Variants in KCNIP4 observed in about 807,000 individuals in gnomAD.
The protein encoded by KCNIP4 is potassium voltage-gated channel interacting protein 4.
Under a neutral mutation model 34.0 loss-of-function variants are expected in KCNIP4, and 12 were observed. The ratio of observed to expected loss-of-function variants is 0.35; its 90% CI spans 0.23 to 0.57. The LOEUF is 0.57. Ranked by LOEUF, KCNIP4 falls within the 20% of genes least tolerant of loss-of-function variation. KCNIP4 has a pLI of 0.83. For synonymous variants in KCNIP4, 124 were observed against 102.2 expected, an observed-to-expected ratio of 1.21 and a Z score of -1.29; for missense variants, 238 against 311.7, an observed-to-expected ratio of 0.76 and a Z score of 1.78.
At chr4:21,479,962 G>A (rs1260826905) in intron 1 of KCNIP4, among the ~76,000 whole-genome samples, 4 of 151,460 alleles carry the variant, frequency 2.6e-5, no homozygotes, top group Non-Finnish European at 5.9e-5. Context: ...TTAGGAATAT[G>A]ATTGTATGTT....
intron 1 of KCNIP4, among the ~76,000 whole-genome samples, chr4:20,930,928 T>A (rs916880620): frequency 1.3e-5 from 2 of 151,582 alleles, no homozygotes; most frequent in African/African-American, 4.8e-5. Context: ...TAGATTTGTG[T>A]AGTCATTATG....
At chr4:21,893,893 G>A (rs1185137365) in intron 1 of KCNIP4, among the ~76,000 whole-genome samples, 1 of 152,120 alleles carries the variant, frequency 6.6e-6, no homozygotes, top group Non-Finnish European at 1.5e-5. Context: ...CATATTAAAT[G>A]TTTCCCTTAC....
At chr4:21,691,827 T>C (rs1245402729) in intron 1 of KCNIP4, among the ~76,000 whole-genome samples, 1 of 151,164 alleles carries the variant, frequency 6.6e-6, no homozygotes, top group Non-Finnish European at 1.5e-5. Flanking sequence ...GCCTCCTGAG[T>C]AGCTGGGACT....
chr4:21,190,773 T>C (rs1049802285), intron 1 of KCNIP4, among the ~76,000 whole-genome samples: 4 of 152,192 alleles, frequency 2.6e-5, no homozygotes, highest in African/African-American at 9.6e-5. Context: ...ATAAAATCTA[T>C]TTACATATTC....
In KCNIP4 at chr4:21,787,223, C is replaced by T. The variant is rs370752380; in HGVS notation, c.61+161348G>A. Among the ~76,000 whole-genome samples the T allele has an allele frequency of 4.6e-5, 7 of 152,262 alleles. No individual in the cohort carries two copies. In the East Asian group the frequency reaches 5.8e-4, roughly 13 times the overall value. On this transcript the variant is annotated intron_variant, in intron 1 of 8. Coordinates refer to ENST00000382152, the MANE Select transcript of KCNIP4 (RefSeq NM_025221.6). ...GTGCATATAAAACACGAATAAATTT[C>T]GTGTTTAGGCTTCGATTCCATTCCC...
chr4:21,884,546 A>G (rs768795038), intron 1 of KCNIP4, among the ~76,000 whole-genome samples: 1 of 152,134 alleles, frequency 6.6e-6, no homozygotes, highest in Non-Finnish European at 1.5e-5. Flanking sequence ...TAATTCCCCA[A>G]TGGAGCTACC....
At chr4:21,147,643 G>C (rs979087143) in intron 1 of KCNIP4, among the ~76,000 whole-genome samples, 1 of 151,940 alleles carries the variant, frequency 6.6e-6, no homozygotes, top group Non-Finnish European at 1.5e-5. Context: ...GCCATTAAAA[G>C]CATCAAGTAC....
chr4:20,755,615 A>G (rs1237911689), intron 4 of KCNIP4, among the ~76,000 whole-genome samples: 1 of 152,198 alleles, frequency 6.6e-6, no homozygotes. Flanking sequence ...AGTGAAATAT[A>G]TATTATTGGA....
At chr4:21,060,201 A>G (rs1030638413) in intron 1 of KCNIP4, among the ~76,000 whole-genome samples, 4 of 152,176 alleles carry the variant, frequency 2.6e-5, no homozygotes, top group Admixed American at 1.3e-4. Flanking sequence ...GCATTCCCAG[A>G]GGCTTTGAAT....
At chr4:21,283,747 A>G (rs1364822992) in intron 1 of KCNIP4, among the ~76,000 whole-genome samples, 4 of 151,914 alleles carry the variant, frequency 2.6e-5, no homozygotes, top group African/African-American at 4.8e-5. Flanking sequence ...ACATGTATAC[A>G]TATGTAACAA....
intron 1 of KCNIP4, chr4:21,852,754 T>A (rs1160448344): frequency 6.6e-6 from 1 of 152,174 alleles, no homozygotes; most frequent in Non-Finnish European, 1.5e-5. Flanking sequence ...ATTTACTGAT[T>A]TTCTGCATTT....
At chr4:21,820,927 C>T (rs1722319224) in intron 1 of KCNIP4, among the ~76,000 whole-genome samples, 2 of 152,092 alleles carry the variant, frequency 1.3e-5, no homozygotes, top group Non-Finnish European at 1.5e-5. Context: ...CATTATGCAA[C>T]TGATAACTGA....
intron 1 of KCNIP4, among the ~76,000 whole-genome samples, chr4:21,668,363 A>C (rs1423433928): frequency 6.6e-6 from 1 of 152,196 alleles, no homozygotes; most frequent in African/African-American, 2.4e-5. Context: ...AAGAAAAAAA[A>C]ACTGCTGTAT....
intron 1 of KCNIP4, among the ~76,000 whole-genome samples, chr4:21,283,995 C>T (rs928917264): frequency 2.0e-5 from 3 of 151,922 alleles, no homozygotes; most frequent in African/African-American, 7.3e-5. Context: ...GGGCAGATCA[C>T]GAGGTCAGGA....
intron 3 of KCNIP4, among the ~76,000 whole-genome samples, chr4:20,830,657 G>C (rs1718311466): frequency 6.6e-6 from 1 of 152,124 alleles, no homozygotes; most frequent in South Asian, 2.1e-4. Context: ...AGATGGCCCA[G>C]AGTCTATAGC....
rs760840330 is a variant in KCNIP4 at position 20,882,616 on chromosome 4, G to T, written c.155C>A (p.Ala52Asp). ...PCSAAKTSSP[A>D]IQNSVEDELE... ...CAAAAAAACAAACTTGCTTTGAATA[G>T]CAGGAGACGACGTTTTGGCAGCTGA... Residue 52 changes from alanine to aspartate, a missense_variant, in exon 2 of 9, where the codon GCT becomes GAT. By Grantham distance (126) the Ala-to-Asp change is moderately radical. Transcript: ENST00000382152. 1.2e-6 allele frequency: 2 copies of T among 1,611,598 alleles called. No homozygotes were observed. The highest frequency in any genetic ancestry group is 1.1e-5 in the South Asian group (1 of 91,018).
At chr4:20,845,290 T>C (rs1411594765) in intron 3 of KCNIP4, among the ~76,000 whole-genome samples, 1 of 152,150 alleles carries the variant, frequency 6.6e-6, no homozygotes, top group Admixed American at 6.6e-5. Context: ...GTACCTGTCT[T>C]AGCTGATTAG....
At chr4:20,766,125 A>G (rs956299864) in intron 3 of KCNIP4, among the ~76,000 whole-genome samples, 5 of 152,190 alleles carry the variant, frequency 3.3e-5, no homozygotes, top group Non-Finnish European at 7.3e-5. Flanking sequence ...AATGTTTTAC[A>G]TGGATTATCT....
At chr4:21,938,174 C>A (rs962735931) in intron 1 of KCNIP4, among the ~76,000 whole-genome samples, 3 of 152,142 alleles carry the variant, frequency 2.0e-5, no homozygotes, top group Admixed American at 6.6e-5. Context: ...CATTCTCATT[C>A]TCCAGTCCTA....
Sources: gnomAD v4.1 joint callset for allele counts (sites outside exome capture counted in the v4.1 genomes callset) on GRCh38, gnomAD v4.1.1 for gene constraint, MANE v1.5 for transcripts, NCBI Gene and HGNC (gene_info 2026-07-23, HGNC 2026-07-21) for gene names.